The following SLC25A25 variants were observed in gnomAD, a reference collection of about 807,000 sequenced individuals.
SLC25A25 encodes the protein solute carrier family 25 member 25.
SLC25A25 carries 32 observed loss-of-function variants against 57.7 expected under a neutral mutation model. That is an observed-to-expected ratio of 0.55 (90% confidence interval 0.42 to 0.74). The LOEUF is 0.74. SLC25A25 is among the 30% of genes least tolerant of loss of function. The probability of loss-of-function intolerance (pLI) is 0.00; values close to 1 mark genes in which losing one functional copy is unlikely to be tolerated. For synonymous variants in SLC25A25, 306 were observed against 291.2 expected (o/e 1.05, Z -0.52); for missense variants, 556 against 701.3 (o/e 0.79, Z 2.34).
At chr9:128,084,896 CT>C (rs1187442651) in intron 1 of SLC25A25, among the ~76,000 whole-genome samples, 1 of 152,170 alleles carries the variant, frequency 6.6e-6, no homozygotes, top group Non-Finnish European at 1.5e-5. Flanking sequence ...TTATAAGCTA[CT>C]TTTACAAGAG....
chr9:128,090,159 G>C (rs1833366936), intron 1 of SLC25A25, among the ~76,000 whole-genome samples: 1 of 151,998 alleles, frequency 6.6e-6, no homozygotes, highest in South Asian at 2.1e-4. Context: ...AGGAATAAAT[G>C]GCAGCACACA....
intron 1 of SLC25A25, among the ~76,000 whole-genome samples, chr9:128,079,505 T>G (rs1203340188): frequency 7.2e-6 from 1 of 139,034 alleles, no homozygotes; most frequent in Admixed American, 7.5e-5. Flanking sequence ...ACGCCTGTAA[T>G]CCCAGCACTT....
At chr9:128,076,078 C>G (rs1159769562) in intron 1 of SLC25A25, among the ~76,000 whole-genome samples, 1 of 144,588 alleles carries the variant, frequency 6.9e-6, no homozygotes, top group African/African-American at 2.6e-5. Context: ...TTTTATTATG[C>G]CTGTGACACA....
At position 128,101,218 on chromosome 9, in the gene SLC25A25, T is replaced by A. The variant is rs755784724; in HGVS notation, c.384T>A (p.Asn128Lys). 6 of 1,614,248 alleles carry A rather than the reference T, an allele frequency of 3.7e-6. No homozygotes were observed. Among genetic ancestry groups the A allele is most frequent in the South Asian group, 1.1e-5 (1 of 91,088 alleles). ...RLVFKSLDKK[N>K]DGRIDAQEIM... ...TGTTTAAGAGTTTGGACAAAAAGAA[T>A]GATGGTAAGTGTTGCCTTCAGAGCT... The change falls in exon 2 of 11, where the codon AAT (asparagine) becomes AAA (lysine). Residue 128 changes from asparagine (N) to lysine (K), a missense_variant. Asn to Lys is a moderately conservative substitution (Grantham distance 94). Around this residue, in one of 3 missense-constraint regions of SLC25A25, gnomAD observed 248 missense variants for 273.5 expected, o/e 0.91. Transcript: ENST00000373069. The surrounding 1 kb of genome is among the most constrained non-coding windows in gnomAD (Gnocchi z 4.9).
chr9:128,083,125 G>A (rs541270388), intron 1 of SLC25A25, among the ~76,000 whole-genome samples: 5 of 152,092 alleles, frequency 3.3e-5, no homozygotes, highest in Admixed American at 2.0e-4. Context: ...CTACTCAGGA[G>A]GCTGAGGCAG....
chr9:128,100,851 G>A lies in SLC25A25; in HGVS notation c.262-245G>A. The A allele has an allele frequency of 1.9e-5, 10 of 514,286 alleles. No homozygotes were observed. The South Asian group carries it at 2.2e-4, about 11-fold the overall frequency. 31.9% of individuals were successfully genotyped at this position (514,286 alleles called of 1,614,324 possible). A position where few individuals can be genotyped will look rare whatever the true frequency, so the allele number is the denominator to read the frequency against. ...TTCCCAGGCTCCTTGTTTCCTCTCT[G>A]CTTGAGAGGGAGACAAGATTGGCCC... On this transcript the variant is annotated intron_variant, in intron 1 of 10. Transcript: ENST00000373069.
In SLC25A25 at chr9:128,106,145, T is replaced by G; in HGVS notation, c.937-5T>G. 1.2e-6 allele frequency: 2 copies of G among 1,614,184 alleles called. No individual in the cohort carries two copies. Among genetic ancestry groups the G allele is most frequent in the Non-Finnish European group, 1.7e-6 (2 of 1,180,004 alleles). ...ATCAGGTGGTTTGTTTGTTCCTGGTTCTAGATCAAGCGCCTTGTTGGTAGT... is the reference window on the plus strand; with the variant it reads ...ATCAGGTGGTTTGTTTGTTCCTGGTGCTAGATCAAGCGCCTTGTTGGTAGT... On this transcript the variant is annotated splice_region_variant and splice_polypyrimidine_tract_variant and intron_variant, in intron 7 of 10. Coordinates refer to ENST00000373069, the MANE Select transcript of SLC25A25 (RefSeq NM_001330988.2).
chr9:128,077,639 A>G (rs991061864), intron 1 of SLC25A25, among the ~76,000 whole-genome samples: 2 of 152,102 alleles, frequency 1.3e-5, no homozygotes, highest in African/African-American at 4.8e-5. Context: ...GGAGTGGGGT[A>G]CTGGCGGGTA....
In SLC25A25 at chr9:128,106,377, C is replaced by T. The variant is rs776350434; in HGVS notation, c.1069C>T (p.Arg357Trp). ...MEVLKTRMALRKTGQYSGMLD... is the reference protein window; with the variant it reads ...MEVLKTRMALWKTGQYSGMLD... The stretch of plus-strand genomic sequence containing the variant: ...GGTCCTGAAGACCCGGATGGCGCTG[C>T]GGAAGACAGGCCAGTACTCAGGAAT... The change falls in exon 9 of 11, where the codon CGG becomes TGG. Residue 357 changes from arginine (R) to tryptophan (W), a missense_variant. Physicochemically the swap from Arg to Trp is moderately radical, Grantham distance 101. Transcript: ENST00000373069. 16 of 1,613,700 alleles carry T rather than the reference C, an allele frequency of 9.9e-6. No individual in the cohort carries two copies. The highest frequency in any genetic ancestry group is 5.5e-5 in the South Asian group (5 of 91,070).
At position 128,103,788 on chromosome 9, in the gene SLC25A25, C is replaced by G. The variant is rs199564503; in HGVS notation, c.732C>G (p.Ala244=). 1 of 1,613,272 alleles carries G rather than the reference C, an allele frequency of 6.2e-7. No homozygotes were observed. Among genetic ancestry groups the G allele is most frequent in the South Asian group, 1.1e-5 (1 of 90,974 alleles). ...RHLVAGGGAG[A]VSRTCTAPLD... Reference sequence around the variant, plus strand: ...TGGTGGCAGGAGGTGGGGCAGGGGCCGTATCCAGAACCTGCACGGCCCCCC... The same window carrying G: ...TGGTGGCAGGAGGTGGGGCAGGGGCGGTATCCAGAACCTGCACGGCCCCCC... The change falls in exon 6 of 11, where the codon GCC becomes GCG. Residue 244 remains alanine, a synonymous_variant. Coordinates refer to ENST00000373069, the MANE Select transcript of SLC25A25 (RefSeq NM_001330988.2). The surrounding 1 kb of genome is among the most constrained non-coding windows in gnomAD (Gnocchi z 6.7).
At chr9:128,072,872 G>T (rs1412869027) in intron 1 of SLC25A25, among the ~76,000 whole-genome samples, 1 of 152,138 alleles carries the variant, frequency 6.6e-6, no homozygotes, top group African/African-American at 2.4e-5. Context: ...TAGAACTCAG[G>T]CAGCCAATTA....
At chr9:128,079,935 C>G (rs1000396703) in intron 1 of SLC25A25, among the ~76,000 whole-genome samples, 1 of 151,514 alleles carries the variant, frequency 6.6e-6, no homozygotes, top group African/African-American at 2.4e-5. Flanking sequence ...AGGTTGCAGG[C>G]AGCCCAGATC....
chr9:128,098,898 C>T (rs13298380), intron 1 of SLC25A25: 5 of 985,256 alleles, frequency 5.1e-6, no homozygotes, highest in South Asian at 9.4e-5. Flanking sequence ...CAGGAGTGAC[C>T]GGTTTTCATG....
chr9:128,100,117 G>A lies in SLC25A25; in HGVS notation c.262-979G>A, dbSNP rs962062147. Among the ~76,000 whole-genome samples the A allele has an allele frequency of 6.6e-5, 10 of 152,306 alleles. No homozygotes were observed. The South Asian group carries it at 1.0e-3, about 16-fold the overall frequency. On this transcript the variant is annotated intron_variant, in intron 1 of 10. Coordinates refer to ENST00000373069, the MANE Select transcript of SLC25A25 (RefSeq NM_001330988.2). ...CCTAGCTGTCTGACCTTGTGTAAAT[G>A]TTTAGGCTCTCGGAACTCCTGTTTC...
chr9:128,100,684 C>T (rs1443135757), intron 1 of SLC25A25, among the ~76,000 whole-genome samples: 1 of 152,212 alleles, frequency 6.6e-6, no homozygotes, highest in African/African-American at 2.4e-5. Context: ...CAGCAGGGAG[C>T]ATGTGTGGTT....
chr9:128,102,193 A>G lies in SLC25A25; in HGVS notation c.512+78A>G. ...GAGCGGGATTCTTGTGGGCCATTAT[A>G]TTGCCATTGTTGTGCTAAGTGGGGT... On this transcript the variant is annotated intron_variant, in intron 4 of 10. Transcript: ENST00000373069. The surrounding 1 kb of genome is among the most constrained non-coding windows in gnomAD (Gnocchi z 4.1). 2 of 1,524,246 alleles carry G rather than the reference A, an allele frequency of 1.3e-6. No individual in the cohort carries two copies. The highest frequency in any genetic ancestry group is 1.8e-6 in the Non-Finnish European group (2 of 1,123,086). 94.4% of individuals were successfully genotyped at this position (1,524,246 alleles called of 1,614,324 possible).
intron 1 of SLC25A25, among the ~76,000 whole-genome samples, chr9:128,074,027 C>G (rs1000524360): frequency 2.7e-5 from 4 of 147,716 alleles, no homozygotes; most frequent in Non-Finnish European, 4.5e-5. Context: ...AGCCACCATG[C>G]CTGTCCTTGA....
chr9:128,083,341 G>A (rs981089961), intron 1 of SLC25A25, among the ~76,000 whole-genome samples: 1 of 151,774 alleles, frequency 6.6e-6, no homozygotes, highest in Non-Finnish European at 1.5e-5. Flanking sequence ...TATGGAAAAG[G>A]CCTTTTATAT....
intron 1 of SLC25A25, among the ~76,000 whole-genome samples, chr9:128,088,111 A>G (rs536435729): frequency 2.0e-5 from 3 of 152,210 alleles, no homozygotes; most frequent in African/African-American, 7.2e-5. Context: ...TTATTAGTGT[A>G]TTCCTATGAA....
Sources: allele counts gnomAD v4.1 joint callset (sites outside exome capture counted in the v4.1 genomes callset), GRCh38; gene constraint gnomAD v4.1.1; regional missense constraint gnomAD v4.1.1; non-coding constraint Gnocchi (gnomAD v3.1); transcripts MANE v1.5; gene names NCBI Gene and HGNC (gene_info 2026-07-23, HGNC 2026-07-21).